Variants in PDE7B observed in about 807,000 individuals in gnomAD.
PDE7B encodes phosphodiesterase 7B, also known as 3',5'-cyclic-AMP phosphodiesterase 7B.
PDE7B carries 29 observed loss-of-function variants against 56.2 expected under a neutral mutation model. The ratio of observed to expected loss-of-function variants is 0.52; its 90% CI spans 0.38 to 0.70. The LOEUF (loss-of-function observed/expected upper bound fraction) is 0.70, where lower values mean the gene tolerates loss of function less well. Among genes scored for constraint, PDE7B ranks in the 30% least tolerant of loss-of-function variants. PDE7B has a pLI of 0.00. For synonymous variants in PDE7B, 197 were observed against 196.9 expected (o/e 1.00, Z 0.00); for missense variants, 490 against 565.0 (o/e 0.87, Z 1.35).
chr6:136,113,098 A>G (rs185148458), intron 3 of PDE7B, among the ~76,000 whole-genome samples: 1 of 152,328 alleles, frequency 6.6e-6, no homozygotes, highest in Non-Finnish European at 1.5e-5. Flanking sequence ...TAATATTGTG[A>G]CTATAGTTAA....
intron 3 of PDE7B, among the ~76,000 whole-genome samples, chr6:136,119,853 A>T (rs910500325): frequency 1.9e-4 from 29 of 152,200 alleles, no homozygotes; most frequent in African/African-American, 6.5e-4. Context: ...TCAAGATATA[A>T]AATAACTTTT....
At chr6:136,111,874 C>T (rs1777754632) in intron 3 of PDE7B, among the ~76,000 whole-genome samples, 1 of 152,158 alleles carries the variant, frequency 6.6e-6, no homozygotes, top group Non-Finnish European at 1.5e-5. Context: ...AGACCCCAAA[C>T]TTCATTTTCC....
chr6:136,018,654 G>A (rs1776018529), intron 2 of PDE7B, among the ~76,000 whole-genome samples: 1 of 152,140 alleles, frequency 6.6e-6, no homozygotes, highest in South Asian at 2.1e-4. Context: ...TTAAATTACC[G>A]TTAAGAGGTC....
intron 2 of PDE7B, among the ~76,000 whole-genome samples, chr6:136,075,512 G>C (rs547466958): frequency 1.3e-5 from 2 of 152,278 alleles, no homozygotes; most frequent in East Asian, 3.9e-4. Flanking sequence ...AAGGATCCTA[G>C]CTGTCCCATT....
Position 135,852,028 on chromosome 6 carries a change from A to T in PDE7B, c.21+9A>T. ...CTTGTTTAATGGTTGAGGTATGTAC[A>T]ACAAATTTAAGCGGCAAGCTCAGTT... On this transcript the variant is annotated intron_variant, in intron 1 of 12. Transcript: ENST00000308191. The T allele has an allele frequency of 6.2e-7, 1 of 1,600,174 alleles. No homozygotes were observed.
In PDE7B at chr6:136,158,580, A is replaced by T. The variant is rs187912442; in HGVS notation, c.711+2822A>T. Among the ~76,000 whole-genome samples the T allele has an allele frequency of 2.0e-5, 3 of 152,298 alleles. No individual in the cohort carries two copies. The East Asian group carries it at 5.8e-4, about 29-fold the overall frequency. ...ATAAATAAGAGGATCATTGCATAAC[A>T]TCCAGCCTGTTATTCTACCCTGAGA... On this transcript the variant is annotated intron_variant, in intron 8 of 12. Coordinates refer to ENST00000308191, the MANE Select transcript of PDE7B (RefSeq NM_018945.4).
intron 1 of PDE7B, among the ~76,000 whole-genome samples, chr6:135,860,070 A>G (rs914477736): frequency 1.3e-5 from 2 of 152,056 alleles, no homozygotes; most frequent in South Asian, 4.1e-4. Flanking sequence ...TGTAAATGTA[A>G]ACCTTTAGGT....
rs1323482337 is a variant in PDE7B, at chr6:136,172,575, T to G, written c.712-1222T>G. The stretch of plus-strand genomic sequence containing the variant: ...GTAGGTTTTGAAAATTTTCTCCCAT[T>G]TTGTAGGTTGCCTGTTCACTCTGAT... On this transcript the variant is annotated intron_variant, in intron 8 of 12. Transcript: ENST00000308191. 3.3e-5 allele frequency among the ~76,000 whole-genome samples: 5 copies of G among 152,204 alleles called. No homozygotes were observed. The East Asian group carries it at 7.7e-4, about 23-fold the overall frequency.
intron 8 of PDE7B, 75 bp from the exon 9 acceptor site, chr6:136,173,722 T>G: frequency 8.3e-6 from 8 of 969,318 alleles, no homozygotes; most frequent in Non-Finnish European, 1.3e-5. Context: ...CTAGCGTCCG[T>G]GGAGCTGTGT....
intron 2 of PDE7B, among the ~76,000 whole-genome samples, chr6:136,102,750 A>G (rs1280912418): frequency 6.6e-6 from 1 of 152,222 alleles, no homozygotes; most frequent in Non-Finnish European, 1.5e-5. Flanking sequence ...ATCAAGCTCA[A>G]AAATGAGGAT....
intron 5 of PDE7B, among the ~76,000 whole-genome samples, chr6:136,149,490 G>T (rs1008618332): frequency 3.9e-5 from 6 of 152,196 alleles, no homozygotes; most frequent in Non-Finnish European, 8.8e-5. Context: ...AGAAACAAAA[G>T]CACATCTGAT....
intron 1 of PDE7B, among the ~76,000 whole-genome samples, chr6:135,931,951 G>GCA (rs747096162): frequency 2.1e-5 from 3 of 142,308 alleles, no homozygotes; most frequent in Non-Finnish European, 4.5e-5. Context: ...ACACACGCGC[G>GCA]CGCACACACA....
In PDE7B at chr6:136,089,538, A is replaced by G. The variant is rs575256027; in HGVS notation, c.83-19193A>G. 2.0e-5 allele frequency among the ~76,000 whole-genome samples: 3 copies of G among 152,298 alleles called. No homozygotes were observed. The East Asian group carries it at 5.8e-4, about 29-fold the overall frequency. On this transcript the variant is annotated intron_variant, in intron 2 of 12. Transcript: ENST00000308191. ...TATTTTCTTTGGGGCCATCTTTTGA[A>G]TATTATTTTTGCATAAAACCAAGTA...
chr6:136,155,414 A>G (rs73567424), intron 7 of PDE7B, among the ~76,000 whole-genome samples: 16,476 of 152,210 alleles, frequency 0.11, 3,006 homozygotes, highest in African/African-American at 0.37. Flanking sequence ...AATCTACACA[A>G]TTTGAGTTTA....
chr6:135,987,580 A>T (rs913081660), intron 2 of PDE7B, among the ~76,000 whole-genome samples: 1 of 152,120 alleles, frequency 6.6e-6, no homozygotes. Context: ...GATCCCACTT[A>T]TTCCTGGAGA....
At chr6:135,907,383 C>A (rs1025012375) in intron 1 of PDE7B, among the ~76,000 whole-genome samples, 10 of 152,168 alleles carry the variant, frequency 6.6e-5, no homozygotes, top group East Asian at 1.9e-4. Context: ...CCTGGCACCC[C>A]AAAGAATTAC....
At chr6:135,928,561 A>G (rs563701040) in intron 1 of PDE7B, among the ~76,000 whole-genome samples, 3 of 143,390 alleles carry the variant, frequency 2.1e-5, no homozygotes, top group Non-Finnish European at 4.5e-5. Flanking sequence ...ACACACCCCT[A>G]TATATACATA....
rs1189722340 is a variant in PDE7B, at chr6:136,089,498, C to A, written c.83-19233C>A. Among the ~76,000 whole-genome samples, 3 of 152,298 alleles carry A rather than the reference C, an allele frequency of 2.0e-5. No individual in the cohort carries two copies. The South Asian group carries it at 6.2e-4, about 32-fold the overall frequency. ...AAAGATGCAATTGTTCATTTGATGA[C>A]CCTGGTACTCAGCGTATTTTCTTTG... On this transcript the variant is annotated intron_variant, in intron 2 of 12. Coordinates refer to ENST00000308191, the MANE Select transcript of PDE7B (RefSeq NM_018945.4).
intron 1 of PDE7B, among the ~76,000 whole-genome samples, chr6:135,877,934 A>G (rs1278492517): frequency 6.6e-6 from 1 of 152,148 alleles, no homozygotes; most frequent in Non-Finnish European, 1.5e-5. Flanking sequence ...CTGGGGAGTC[A>G]TTGGTTGAGG....
Sources: gnomAD v4.1 joint callset for allele counts (sites outside exome capture counted in the v4.1 genomes callset) on GRCh38, gnomAD v4.1.1 for gene constraint, MANE v1.5 for transcripts, NCBI Gene and HGNC (gene_info 2026-07-23, HGNC 2026-07-21) for gene names.